PRAMEF4: variants seen among roughly 807,000 people sequenced by gnomAD.
PRAMEF4 encodes the protein PRAME family member 4.
Under a neutral mutation model 34.4 loss-of-function variants are expected in PRAMEF4, and 18 were observed. That is an observed-to-expected ratio of 0.52 (90% confidence interval 0.36 to 0.78). The LOEUF is 0.78. Among genes scored for constraint, PRAMEF4 ranks in the 30% least tolerant of loss-of-function variants. The probability of loss-of-function intolerance (pLI) is 0.00; values close to 1 mark genes in which losing one functional copy is unlikely to be tolerated. For synonymous variants in PRAMEF4, 156 were observed against 219.3 expected (o/e 0.71, Z 2.55); for missense variants, 482 against 569.1 (o/e 0.85, Z 1.56).
chr1:12,882,909 A>G (rs140635657), intron 2 of PRAMEF4, among the ~76,000 whole-genome samples, 193 bp downstream of exon 2: 4,181 of 144,282 alleles, frequency 0.029, 297 homozygotes, highest in African/African-American at 0.11. Context: ...GTGCCATTAG[A>G]GGAGAGGTTC....
chr1:12,884,555 G>T (rs1640958277), intron 1 of PRAMEF4, among the ~76,000 whole-genome samples: 1 of 146,656 alleles, frequency 6.8e-6, no homozygotes, highest in East Asian at 2.0e-4. Context: ...ACTCTACTAA[G>T]ACAGCAAAAA....
At chr1:12,881,256 C>G (rs989867908) in intron 3 of PRAMEF4, among the ~76,000 whole-genome samples, 1 of 148,060 alleles carries the variant, frequency 6.8e-6, no homozygotes, top group Non-Finnish European at 1.5e-5. Flanking sequence ...ATCCCAGGCA[C>G]TCAGGAGGCT....
In PRAMEF4 at chr1:12,879,378, C is replaced by G; in HGVS notation, c.*166G>C. On this transcript the variant is annotated 3_prime_UTR_variant, in exon 4 of 4. Coordinates refer to ENST00000235349, the MANE Select transcript of PRAMEF4 (RefSeq NM_001009611.4). ...TCCCATCGAATCCATGGCAACATTT[C>G]CCCCAAGTCCGGCCCCTGCTTGATC... The G allele has an allele frequency of 6.9e-6, 5 of 721,630 alleles. 1 individual carries two copies. Among genetic ancestry groups the G allele is most frequent in the Non-Finnish European group, 1.1e-5 (5 of 452,234 alleles). 44.7% of individuals were successfully genotyped at this position (721,630 alleles called of 1,614,324 possible).
At position 12,881,711 on chromosome 1, in the gene PRAMEF4, C is replaced by T. The variant is rs1374928848; in HGVS notation, c.875+143G>A. 18 of 1,385,006 alleles carry T rather than the reference C, an allele frequency of 1.3e-5. 1 individual carries two copies. Among genetic ancestry groups the T allele is most frequent in the Admixed American group, 4.2e-5 (2 of 47,662 alleles). The allele number at this position is 1,385,006 out of a possible 1,614,324, so 85.8% of individuals were successfully genotyped here. ...GCATGATACCCATTTCAGGACAGGG[C>T]CGCCCACAGGACAATGCATGGACAT... On this transcript the variant is annotated intron_variant, in intron 3 of 3. Coordinates refer to ENST00000235349, the MANE Select transcript of PRAMEF4 (RefSeq NM_001009611.4).
chr1:12,883,113 C>G lies in PRAMEF4; in HGVS notation c.282G>C (p.Gly94=), dbSNP rs775374144. 17 of 1,601,182 alleles carry G rather than the reference C, an allele frequency of 1.1e-5. 1 individual carries two copies. In the Admixed American group the frequency reaches 1.2e-4, roughly 11 times the overall value. Residue 94 remains glycine, a synonymous_variant, in exon 2 of 4, where the codon GGG becomes GGC. Coordinates refer to ENST00000235349, the MANE Select transcript of PRAMEF4 (RefSeq NM_001009611.4). ...CTGGGCCACCTCACCTGGGACGAAC[C>G]CCTAGGTTAAGCAGTGCATCCAGCC... The part of the protein sequence containing the change: ...LDGLDALLNL[G]VRPRRWKLQV...
intron 1 of PRAMEF4, 42 bp from the exon 2 acceptor site, chr1:12,883,452 C>T (rs1177356974): frequency 6.3e-7 from 1 of 1,598,518 alleles, no homozygotes; most frequent in South Asian, 1.1e-5. Context: ...CTCTCTCGGG[C>T]CAAGCCCATG....
Position 12,879,619 on chromosome 1 carries a change from C to G in PRAMEF4, c.1362G>C (p.Leu454Phe), listed in dbSNP as rs28473210. ...AGTCAGGGCAGTAGTCAGTACAGAA[C>G]AAGATCCTCTTGGGGTGCCTTAAGT... is the stretch of plus-strand genomic sequence containing the variant. ...VRDLRHPKRILFCTDYCPDCG... is the reference protein window; with the variant it reads ...VRDLRHPKRIFFCTDYCPDCG... The change falls in exon 4 of 4, where the codon TTG becomes TTC. Residue 454 changes from leucine to phenylalanine, a missense_variant. Leu to Phe is a conservative substitution (Grantham distance 22). Around this residue, in one of 6 missense-constraint regions of PRAMEF4, gnomAD observed 116 missense variants for 105.2 expected, o/e 1.10. Transcript: ENST00000235349. 0.1 allele frequency: 157,731 copies of G among 1,558,308 alleles called. 13,572 individuals are homozygous for G. The highest frequency in any genetic ancestry group is 0.1 in the Non-Finnish European group (118,520 of 1,139,980).
chr1:12,883,226 T>C lies in PRAMEF4; in HGVS notation c.169A>G (p.Met57Val). 6.3e-7 allele frequency: 1 copy of C among 1,598,632 alleles called. No individual in the cohort carries two copies. Among genetic ancestry groups the C allele is most frequent in the Non-Finnish European group, 8.5e-7 (1 of 1,172,696 alleles). The change falls in exon 2 of 4, where the codon ATG (methionine) becomes GTG (valine). Residue 57 changes from methionine to valine, a missense_variant. Physicochemically the swap from Met to Val is conservative, Grantham distance 21 (BLOSUM62 1). Around this residue, in one of 6 missense-constraint regions of PRAMEF4, gnomAD observed 172 missense variants for 130.2 expected, o/e 1.32. Transcript: ENST00000235349. ...CGGCGGAAGGGCCAGGACTGCACCA[T>C]CAGCTTCAGGGCCTCACAGCGTCTC... ...SRRRCEALKLMVQSWPFRRLP... is the reference protein window; with the variant it reads ...SRRRCEALKLVVQSWPFRRLP...
intron 1 of PRAMEF4, among the ~76,000 whole-genome samples, chr1:12,884,323 T>C (rs937586313): frequency 4.0e-5 from 6 of 149,300 alleles, no homozygotes; most frequent in Admixed American, 1.4e-4. Context: ...GCCTCATTAT[T>C]GAAAATTTCA....
chr1:12,883,346 G>A lies in PRAMEF4; in HGVS notation c.49C>T (p.Arg17Trp), dbSNP rs781348027. ...TPPRLLELAGRSLLRDQALAM... is the reference protein window; with the variant it reads ...TPPRLLELAGWSLLRDQALAM... ...AAAGCTTGGTCCCTTAGCAGGCTCC[G>A]CCCTGCAAGCTCCAGGAGTCTGGGT... Residue 17 changes from arginine to tryptophan, a missense_variant, in exon 2 of 4, where the codon CGG (arginine) becomes TGG (tryptophan). Around this residue, in one of 6 missense-constraint regions of PRAMEF4, gnomAD observed 172 missense variants for 130.2 expected, o/e 1.32. Transcript: ENST00000235349. 1.4e-5 allele frequency: 23 copies of A among 1,600,462 alleles called. 2 individuals carry two copies. The highest frequency in any genetic ancestry group is 1.8e-4 in the Middle Eastern group (1 of 5,408).
intron 1 of PRAMEF4, among the ~76,000 whole-genome samples, chr1:12,884,285 G>A (rs1413407626): frequency 1.3e-5 from 2 of 148,818 alleles, no homozygotes; most frequent in African/African-American, 5.0e-5. Flanking sequence ...CCAACATACT[G>A]GGATTATAGG....
In PRAMEF4 at chr1:12,884,264, C is replaced by T. The variant is rs1450668214; in HGVS notation, c.-16-854G>A. On this transcript the variant is annotated intron_variant, in intron 1 of 3. Transcript: ENST00000235349. ...ACTCCTAGTCTCAAGCAATCTACCC[C>T]TCTTGGCCTCCCAACATACTGGGAT... is the stretch of plus-strand genomic sequence containing the variant. 2.7e-5 allele frequency among the ~76,000 whole-genome samples: 4 copies of T among 148,798 alleles called. No homozygotes were observed. In the East Asian group the frequency reaches 7.8e-4, roughly 29 times the overall value.
chr1:12,885,276 T>G lies in PRAMEF4; in HGVS notation c.-17+871A>C, dbSNP rs5005748. Among the ~76,000 whole-genome samples, 28 of 148,420 alleles carry G rather than the reference T, an allele frequency of 1.9e-4. 2 individuals carry two copies. The highest frequency in any genetic ancestry group is 4.8e-4 in the African/African-American group (19 of 39,926). On this transcript the variant is annotated intron_variant, in intron 1 of 3. Transcript: ENST00000235349. Reference sequence around the variant, plus strand: ...TTCCACATAGCTGGGACTACAGGCATGCACCCCCCACAGCCATGCCTCCAT... The same window carrying G: ...TTCCACATAGCTGGGACTACAGGCAGGCACCCCCCACAGCCATGCCTCCAT...
In PRAMEF4 at chr1:12,883,336, A is replaced by C; in HGVS notation, c.59T>G (p.Leu20Arg). ...GGACATGGCCAAAGCTTGGTCCCTT[A>C]GCAGGCTCCGCCCTGCAAGCTCCAG... The part of the protein sequence containing the change: ...RLLELAGRSL[L>R]RDQALAMSTL... Residue 20 changes from leucine to arginine, a missense_variant, in exon 2 of 4, where the codon CTA (leucine) becomes CGA (arginine). Around this residue, in one of 6 missense-constraint regions of PRAMEF4, gnomAD observed 172 missense variants for 130.2 expected, o/e 1.32. Coordinates refer to ENST00000235349, the MANE Select transcript of PRAMEF4 (RefSeq NM_001009611.4). The C allele has an allele frequency of 1.2e-6, 2 of 1,600,446 alleles. No individual in the cohort carries two copies. Among genetic ancestry groups the C allele is most frequent in the Non-Finnish European group, 8.5e-7 (1 of 1,173,312 alleles).
rs1331982096 is a variant in PRAMEF4, at chr1:12,884,372, C to T, written c.-16-962G>A. Among the ~76,000 whole-genome samples the T allele has an allele frequency of 2.0e-5, 3 of 149,416 alleles. 1 individual carries two copies. Among genetic ancestry groups the T allele is most frequent in the African/African-American group, 7.4e-5 (3 of 40,422 alleles). ...AAAGCTATGTGACACTGTTATGCAT[C>T]ATTCTCAAGATAGATGTTTCCAATG... is the stretch of plus-strand genomic sequence containing the variant. On this transcript the variant is annotated intron_variant, in intron 1 of 3. Coordinates refer to ENST00000235349, the MANE Select transcript of PRAMEF4 (RefSeq NM_001009611.4).
At chr1:12,883,563 A>G (rs1016361547) in intron 1 of PRAMEF4, among the ~76,000 whole-genome samples, 153 bp from the exon 2 acceptor site, 1 of 149,400 alleles carries the variant, frequency 6.7e-6, no homozygotes, top group Admixed American at 6.9e-5. Context: ...CCATTAAGCC[A>G]GCATTCTGCC....
chr1:12,885,108 C>G (rs866458023), intron 1 of PRAMEF4, among the ~76,000 whole-genome samples: 3 of 150,826 alleles, frequency 2.0e-5, no homozygotes, highest in Non-Finnish European at 4.4e-5. Flanking sequence ...TTCATGTATC[C>G]GATGATCACC....
At chr1:12,883,539 T>C (rs4498812) in intron 1 of PRAMEF4, 129 bp from the exon 2 acceptor site, 17 of 1,265,460 alleles carry the variant, frequency 1.3e-5, no homozygotes, top group Admixed American at 2.5e-5. Context: ...CCAATTCTAC[T>C]CTGTACTCAG....
At chr1:12,885,890 G>A (rs538487459) in intron 1 of PRAMEF4, among the ~76,000 whole-genome samples, 2 of 119,882 alleles carry the variant, frequency 1.7e-5, no homozygotes, top group South Asian at 5.8e-4. Flanking sequence ...GCCTCCCGAA[G>A]TGTTGGGGTT....
Sources: gnomAD v4.1 joint callset for allele counts (sites outside exome capture counted in the v4.1 genomes callset) on GRCh38, gnomAD v4.1.1 for gene constraint, gnomAD v4.1.1 regional missense constraint, MANE v1.5 for transcripts, NCBI Gene and HGNC (gene_info 2026-07-23, HGNC 2026-07-21) for gene names.